COMMD1: variants seen among roughly 807,000 people sequenced by gnomAD.
COMMD1 encodes COMM domain-containing protein 1.
COMMD1 carries 10 observed loss-of-function variants against 17.2 expected under a neutral mutation model. The observed-to-expected ratio is 0.58, with a 90% CI of 0.36 to 0.99. The LOEUF (loss-of-function observed/expected upper bound fraction) is 0.99. Among genes scored for constraint, COMMD1 ranks in the 50% least tolerant of loss-of-function variants. COMMD1 has a pLI of 0.01. For missense variants in COMMD1, 270 were observed against 231.8 expected, an observed-to-expected ratio of 1.17 and a Z score of -1.07; for synonymous variants, 97 against 91.6, an observed-to-expected ratio of 1.06 and a Z score of -0.34.
rs190202165 is a variant in COMMD1 at position 62,082,753 on chromosome 2, A to G, written c.463-53078A>G. ...CACGTGCCTGTAGTCCCAGCTACTC[A>G]GGAGGCTGAGGCAGAAGAATTTTTT... On this transcript the variant is annotated intron_variant, in intron 2 of 2. Coordinates refer to ENST00000311832, the MANE Select transcript of COMMD1 (RefSeq NM_152516.4). Among the ~76,000 whole-genome samples, 1,060 of 152,254 alleles carry G rather than the reference A, an allele frequency of 7.0e-3. 8 individuals are homozygous for G. The highest frequency in any genetic ancestry group is 0.011 in the Non-Finnish European group (757 of 68,010).
intron 2 of COMMD1, among the ~76,000 whole-genome samples, chr2:62,117,540 G>T (rs186438314): frequency 3.6e-4 from 55 of 152,292 alleles, no homozygotes; most frequent in African/African-American, 1.1e-3. Flanking sequence ...CTTACTACTT[G>T]TGTGGCTTTG....
At chr2:62,040,259 A>G (rs1670152956) in intron 2 of COMMD1, among the ~76,000 whole-genome samples, 1 of 152,192 alleles carries the variant, frequency 6.6e-6, no homozygotes, top group Non-Finnish European at 1.5e-5. Flanking sequence ...GTCTCAAAAA[A>G]TAAAAATAGA....
At chr2:62,134,463 T>C (rs890223563) in intron 2 of COMMD1, among the ~76,000 whole-genome samples, 6 of 152,258 alleles carry the variant, frequency 3.9e-5, no homozygotes, top group Non-Finnish European at 5.9e-5. Flanking sequence ...TAGTTGCTCC[T>C]AGATACATAA....
In COMMD1 at chr2:61,905,877, G is replaced by T; in HGVS notation, c.180+19G>T. 1 of 1,613,786 alleles carries T rather than the reference G, an allele frequency of 6.2e-7. No individual in the cohort carries two copies. Among genetic ancestry groups the T allele is most frequent in the Non-Finnish European group, 8.5e-7 (1 of 1,179,740 alleles). Reference sequence around the variant, plus strand: ...TCTTAAGGTACTGCTCTTTTCTGTAGTCTCCGGCTTGGAGCAGAACCCCTT... The same window carrying T: ...TCTTAAGGTACTGCTCTTTTCTGTATTCTCCGGCTTGGAGCAGAACCCCTT... On this transcript the variant is annotated intron_variant, in intron 1 of 2. Transcript: ENST00000311832.
At chr2:62,127,569 A>G (rs913535674) in intron 2 of COMMD1, among the ~76,000 whole-genome samples, 1 of 152,162 alleles carries the variant, frequency 6.6e-6, no homozygotes, top group African/African-American at 2.4e-5. Flanking sequence ...CAGAAATAAG[A>G]CTGCACATCT....
chr2:61,960,301 T>A (rs1481644973), intron 1 of COMMD1, among the ~76,000 whole-genome samples: 1 of 152,240 alleles, frequency 6.6e-6, no homozygotes, highest in Non-Finnish European at 1.5e-5. Context: ...GGCCTGATCC[T>A]CTGGAAGGAG....
intron 2 of COMMD1, among the ~76,000 whole-genome samples, chr2:62,002,544 T>C (rs935871191): frequency 6.8e-6 from 1 of 147,418 alleles, no homozygotes; most frequent in African/African-American, 2.6e-5. Flanking sequence ...TTAAAAATTT[T>C]TGGCCAGGCG....
chr2:61,954,796 C>G (rs1283301216), intron 1 of COMMD1, among the ~76,000 whole-genome samples: 1 of 152,150 alleles, frequency 6.6e-6, no homozygotes, highest in Non-Finnish European at 1.5e-5. Context: ...ATTCTCCTAC[C>G]TCAGCCTCCT....
At chr2:61,985,375 G>A (rs1417325591) in intron 1 of COMMD1, among the ~76,000 whole-genome samples, 1 of 152,154 alleles carries the variant, frequency 6.6e-6, no homozygotes, top group East Asian at 1.9e-4. Flanking sequence ...TAGGTGAAGT[G>A]TGTTTCTTTT....
At chr2:61,961,811 C>G (rs1671350379) in intron 1 of COMMD1, among the ~76,000 whole-genome samples, 1 of 151,496 alleles carries the variant, frequency 6.6e-6, no homozygotes, top group Non-Finnish European at 1.5e-5. Flanking sequence ...TTTTTCATTT[C>G]TGCTATTTTA....
At chr2:62,024,581 G>T (rs1669703041) in intron 2 of COMMD1, among the ~76,000 whole-genome samples, 1 of 152,072 alleles carries the variant, frequency 6.6e-6, no homozygotes, top group South Asian at 2.1e-4. Flanking sequence ...CTTTTTTGGG[G>T]CTTATATAAA....
chr2:62,122,444 CTTTTT>C (rs372131423), intron 2 of COMMD1, among the ~76,000 whole-genome samples: 1 of 126,902 alleles, frequency 7.9e-6, no homozygotes. Flanking sequence ...TCTTTCTTTT[CTTTTT>C]TTTTTTTTTT....
chr2:62,135,307 A>G (rs901874371), intron 2 of COMMD1, among the ~76,000 whole-genome samples: 1 of 152,014 alleles, frequency 6.6e-6, no homozygotes, highest in Non-Finnish European at 1.5e-5. Context: ...AACATCTGAC[A>G]TTTGTACGCC....
chr2:62,108,266 G>A, intron 2 of COMMD1, among the ~76,000 whole-genome samples: 1 of 152,158 alleles, frequency 6.6e-6, no homozygotes. Flanking sequence ...GTTTGTAGGA[G>A]AGGAGAAAAC....
intron 1 of COMMD1, among the ~76,000 whole-genome samples, chr2:61,972,338 CT>C (rs1279064444): frequency 6.6e-6 from 1 of 152,112 alleles, no homozygotes; most frequent in Non-Finnish European, 1.5e-5. Context: ...ACTCAGATCA[CT>C]TTTGCTTGTT....
chr2:62,082,705 C>T (rs1327212527), intron 2 of COMMD1, among the ~76,000 whole-genome samples: 1 of 152,060 alleles, frequency 6.6e-6, no homozygotes, highest in Non-Finnish European at 1.5e-5. Context: ...ACTAAAAATA[C>T]AAAAATTAGC....
At chr2:62,066,192 C>A (rs1003106698) in intron 2 of COMMD1, among the ~76,000 whole-genome samples, 1 of 152,058 alleles carries the variant, frequency 6.6e-6, no homozygotes, top group African/African-American at 2.4e-5. Flanking sequence ...CTAATCTTAC[C>A]GTTATTTCCT....
At chr2:61,894,708 T>C (rs1019854831) in intron 1 of COMMD1, among the ~76,000 whole-genome samples, 1 of 151,300 alleles carries the variant, frequency 6.6e-6, no homozygotes, top group East Asian at 1.9e-4. Flanking sequence ...AAAAAAAATT[T>C]TTTTTTTTTG....
intron 1 of COMMD1, among the ~76,000 whole-genome samples, chr2:61,958,031 G>A (rs575860731): frequency 1.3e-5 from 2 of 152,276 alleles, no homozygotes; most frequent in South Asian, 2.1e-4. Flanking sequence ...CGGATGAAAT[G>A]AAGGCTCATT....
Sources: gnomAD v4.1 joint callset for allele counts (sites outside exome capture counted in the v4.1 genomes callset) on GRCh38, gnomAD v4.1.1 for gene constraint, MANE v1.5 for transcripts, NCBI Gene and HGNC (gene_info 2026-07-23, HGNC 2026-07-21) for gene names.